The following ATRN variants were observed in gnomAD, a reference collection of about 807,000 sequenced individuals.
ATRN encodes the protein attractin.
Under a neutral mutation model 178.7 loss-of-function variants are expected in ATRN, and 54 were observed. The observed-to-expected ratio is 0.30, with a 90% CI of 0.24 to 0.38. The LOEUF (loss-of-function observed/expected upper bound fraction) is 0.38, where lower values mean the gene tolerates loss of function less well. Among genes scored for constraint, ATRN ranks in the 10% least tolerant of loss-of-function variants. ATRN has a pLI of 1.00. For missense variants in ATRN, 1,443 were observed against 1,815.1 expected, an observed-to-expected ratio of 0.79 and a Z score of 3.73; for synonymous variants, 636 against 663.0, an observed-to-expected ratio of 0.96 and a Z score of 0.63.
intron 1 of ATRN, among the ~76,000 whole-genome samples, chr20:3,472,838 AAG>A (rs1183219215): frequency 2.0e-5 from 3 of 152,166 alleles, no homozygotes; most frequent in Admixed American, 2.0e-4. Context: ...AGATGGAAAG[AAG>A]GGTGCAAACA....
rs235540 is a variant in ATRN, at chr20:3,584,025, C to T, written c.2892C>T (p.Tyr964=). The T allele has an allele frequency of 0.75, 1,210,110 of 1,613,770 alleles. 456,948 individuals are homozygous for T. The highest frequency in any genetic ancestry group is 0.99 in the East Asian group (44,614 of 44,860). The change falls in exon 17 of 29, where the codon TAC becomes TAT. Residue 964 remains tyrosine (Y), a synonymous_variant. Transcript: ENST00000262919. ...NMKQCVDSNA[Y]VASFPFGQCM... ...AGCAGTGTGTGGACTCCAATGCCTA[C>T]GTGGCCTCCTTCCCTTTTGGCCAGT...
chr20:3,489,911 C>A, intron 1 of ATRN: 2 of 1,280,228 alleles, frequency 1.6e-6, no homozygotes, highest in Admixed American at 1.7e-5. Flanking sequence ...TGTAAATGAT[C>A]TCGTTCTTTT....
intron 1 of ATRN, 149 bp downstream of exon 1, chr20:3,471,666 G>A: frequency 8.9e-7 from 1 of 1,128,930 alleles, no homozygotes; most frequent in Non-Finnish European, 1.2e-6. Flanking sequence ...TTTGCTTCCG[G>A]GGAGATCATC....
At chr20:3,616,821 T>C (rs544445046) in intron 24 of ATRN, among the ~76,000 whole-genome samples, 8 of 152,258 alleles carry the variant, frequency 5.3e-5, no homozygotes, top group Admixed American at 2.0e-4. Context: ...GGTGGAATTC[T>C]TGTGTAGAAA....
At chr20:3,522,802 C>G (rs1314593596) in intron 1 of ATRN, among the ~76,000 whole-genome samples, 1 of 152,086 alleles carries the variant, frequency 6.6e-6, no homozygotes, top group Non-Finnish European at 1.5e-5. Context: ...CCAGCAAACT[C>G]CAGCAGACCT....
intron 1 of ATRN, among the ~76,000 whole-genome samples, chr20:3,504,747 C>G (rs1291451046): frequency 6.7e-6 from 1 of 148,750 alleles, no homozygotes; most frequent in Admixed American, 6.7e-5. Flanking sequence ...ATAGACTGCC[C>G]CTTTCCTCCC....
rs2146108814 is a variant in ATRN at position 3,501,489 on chromosome 20, A to G, written c.410+29972A>G. On this transcript the variant is annotated intron_variant, in intron 1 of 28. Coordinates refer to ENST00000262919, the MANE Select transcript of ATRN (RefSeq NM_139321.3). ...GAATGCTATAAGATGATCCTGGGAC[A>G]TCTTTTTATATCACAAAACAGGCTA... is the stretch of plus-strand genomic sequence containing the variant. Among the ~76,000 whole-genome samples the G allele has an allele frequency of 1.3e-5, 2 of 152,304 alleles. 1 individual carries two copies. The highest frequency in any genetic ancestry group is 4.1e-4 in the South Asian group (2 of 4,828).
chr20:3,584,451 A>C (rs1296126032), intron 17 of ATRN, among the ~76,000 whole-genome samples, 196 bp from the exon 18 acceptor site: 1 of 152,166 alleles, frequency 6.6e-6, no homozygotes, highest in Non-Finnish European at 1.5e-5. Context: ...CCTGGGATTG[A>C]GAGAGGAGGG....
At chr20:3,538,800 C>T (rs1306267036) in intron 2 of ATRN, among the ~76,000 whole-genome samples, 1 of 152,144 alleles carries the variant, frequency 6.6e-6, no homozygotes, top group Non-Finnish European at 1.5e-5. Flanking sequence ...CTGAGTTCTG[C>T]TTTTGCCCCT....
At position 3,647,053 on chromosome 20, in the gene ATRN, A is replaced by G. The variant is rs917813517; in HGVS notation, c.*206A>G. ...CCAGCATCTAACCTTTTACTTTTGC[A>G]TAGGAAATACTTGATTTAATTACAG... On this transcript the variant is annotated 3_prime_UTR_variant, in exon 29 of 29. Coordinates refer to ENST00000262919, the MANE Select transcript of ATRN (RefSeq NM_139321.3). 3.2e-5 allele frequency: 20 copies of G among 623,338 alleles called. No homozygotes were observed. Among genetic ancestry groups the G allele is most frequent in the Non-Finnish European group, 5.1e-5 (20 of 392,268 alleles). 38.6% of individuals were successfully genotyped at this position (623,338 alleles called of 1,614,324 possible).
At chr20:3,577,103 T>G (rs1600123604) in intron 14 of ATRN, 106 bp downstream of exon 14, 2 of 1,381,214 alleles carry the variant, frequency 1.4e-6, no homozygotes, top group Non-Finnish European at 2.0e-6. Flanking sequence ...AAGAGCTAAT[T>G]CTGTCCATTC....
chr20:3,599,312 A>G (rs2086573986), intron 22 of ATRN, among the ~76,000 whole-genome samples: 1 of 152,210 alleles, frequency 6.6e-6, no homozygotes, highest in South Asian at 2.1e-4. Context: ...CTTTCAGGAT[A>G]TACTTCATGC....
In ATRN at chr20:3,648,625, A is replaced by C. The variant is rs963373066; in HGVS notation, c.*1778A>C. On this transcript the variant is annotated 3_prime_UTR_variant, in exon 29 of 29. Transcript: ENST00000262919. ...CACTCCCATGAAGAATTGCCTGGAAAGATGTTTTCAAGGAATTTGAACCAT... is the reference window on the plus strand; with the variant it reads ...CACTCCCATGAAGAATTGCCTGGAACGATGTTTTCAAGGAATTTGAACCAT... 1 of 152,278 alleles carries C rather than the reference A, an allele frequency of 6.6e-6. No individual in the cohort carries two copies. The highest frequency in any genetic ancestry group is 1.5e-5 in the Non-Finnish European group (1 of 68,052). 9.4% of individuals were successfully genotyped at this position (152,278 alleles called of 1,614,324 possible). A position where few individuals can be genotyped will look rare whatever the true frequency, so the allele number is the denominator to read the frequency against.
At chr20:3,605,656 C>T (rs868721308) in intron 24 of ATRN, among the ~76,000 whole-genome samples, 9 of 152,116 alleles carry the variant, frequency 5.9e-5, no homozygotes, top group Admixed American at 1.3e-4. Context: ...AATGCAGGAA[C>T]GGAAAACCAG....
rs368394749 is a variant in ATRN at position 3,630,916 on chromosome 20, CTTTTTTTTTTTTTTTTTTTTT to C, written c.3864-3367_3864-3347del. Among the ~76,000 whole-genome samples, 340 of 43,410 alleles carry C rather than the reference CTTTTTTTTTTTTTTTTTTTTT, an allele frequency of 7.8e-3. 10 individuals carry two copies. The highest frequency in any genetic ancestry group is 0.017 in the Middle Eastern group (1 of 58). 28.5% of individuals were successfully genotyped at this position (43,410 alleles called of 152,430 possible). On this transcript the variant is annotated intron_variant, in intron 25 of 28. Coordinates refer to ENST00000262919, the MANE Select transcript of ATRN (RefSeq NM_139321.3). ...ACCATGTCTAAAAGAATTTATTTAGCTTTTTTTTTTTTTTTTTTTTTTTTTTTTTTTTTTTTTTTTTTTTTT... is the reference window on the plus strand; with the variant it reads ...ACCATGTCTAAAAGAATTTATTTAGCTTTTTTTTTTTTTTTTTTTTTTTTT...
rs760066230 is a variant in ATRN at position 3,647,396 on chromosome 20, G to C, written c.*549G>C. On this transcript the variant is annotated 3_prime_UTR_variant, in exon 29 of 29. Transcript: ENST00000262919. ...TTTTTTCTAGTTGAGAATTAATAAT[G>C]GTCCATCTCTTTTGATCATATCAAG... is the stretch of plus-strand genomic sequence containing the variant. 1 of 152,928 alleles carries C rather than the reference G, an allele frequency of 6.5e-6. No homozygotes were observed. The highest frequency in any genetic ancestry group is 2.1e-4 in the South Asian group (1 of 4,832). The allele number at this position is 152,928 out of a possible 1,614,324, so 9.5% of individuals were successfully genotyped here.
intron 18 of ATRN, among the ~76,000 whole-genome samples, chr20:3,588,981 GT>G (rs386393128): frequency 1.2e-3 from 123 of 99,790 alleles, no homozygotes; most frequent in African/African-American, 3.6e-3. Flanking sequence ...ATTTTCTTTT[GT>G]TTTTTTTTTT....
intron 1 of ATRN, among the ~76,000 whole-genome samples, chr20:3,492,199 G>GTGTGTGTGTT (rs1236811311): frequency 6.6e-6 from 1 of 151,548 alleles, no homozygotes; most frequent in Non-Finnish European, 1.5e-5. Context: ...GTGTGTGTGT[G>GTGTGTGTGTT]TGTGTATCCG....
rs1188898192 is a variant in ATRN, at chr20:3,627,768, G to A, written c.3863+3196G>A. On this transcript the variant is annotated intron_variant, in intron 25 of 28. Coordinates refer to ENST00000262919, the MANE Select transcript of ATRN (RefSeq NM_139321.3). The stretch of plus-strand genomic sequence containing the variant: ...GAAAAATATGCAACTTGCCAAAACT[G>A]ACACAGAAGAAGTAAGGAGCCTGAA... 3.9e-5 allele frequency among the ~76,000 whole-genome samples: 6 copies of A among 152,312 alleles called. No homozygotes were observed. The East Asian group carries it at 1.2e-3, about 29-fold the overall frequency.
Sources: allele counts gnomAD v4.1 joint callset (sites outside exome capture counted in the v4.1 genomes callset), GRCh38; gene constraint gnomAD v4.1.1; transcripts MANE v1.5; gene names NCBI Gene and HGNC (gene_info 2026-07-23, HGNC 2026-07-21).